Variants in SLC35E1 observed in about 807,000 individuals in gnomAD.
SLC35E1 encodes solute carrier family 35, member E1.
Under a neutral mutation model 31.0 loss-of-function variants are expected in SLC35E1, and 12 were observed. The observed-to-expected ratio is 0.39, with a 90% CI of 0.25 to 0.63. SLC35E1 has a LOEUF of 0.63. Ranked by LOEUF, SLC35E1 falls within the 20% of genes least tolerant of loss-of-function variation. SLC35E1 has a pLI of 0.52. For synonymous variants in SLC35E1, 257 were observed against 264.1 expected (o/e 0.97, Z 0.26); for missense variants, 429 against 572.2 (o/e 0.75, Z 2.55).
intron 4 of SLC35E1, among the ~76,000 whole-genome samples, chr19:16,559,359 T>G (rs1386542162): frequency 6.6e-6 from 1 of 151,588 alleles, no homozygotes; most frequent in Non-Finnish European, 1.5e-5. Flanking sequence ...GTGGCTCATG[T>G]CTATAGTCCC....
intron 4 of SLC35E1, among the ~76,000 whole-genome samples, chr19:16,560,867 CAA>C (rs370428585): frequency 4.3e-4 from 29 of 67,588 alleles, no homozygotes; most frequent in African/African-American, 9.0e-4. Context: ...ATCTCAAAAA[CAA>C]AAAAAAAAAA....
At chr19:16,570,382 G>A (rs1408639856) in intron 2 of SLC35E1, among the ~76,000 whole-genome samples, 2 of 152,168 alleles carry the variant, frequency 1.3e-5, no homozygotes, top group East Asian at 1.9e-4. Context: ...ATTTCTATAA[G>A]CCGATCCAGG....
Position 16,553,575 on chromosome 19 carries a change from G to T in SLC35E1, c.*104C>A. 1 of 1,102,042 alleles carries T rather than the reference G, an allele frequency of 9.1e-7. No individual in the cohort carries two copies. Among genetic ancestry groups the T allele is most frequent in the Non-Finnish European group, 1.3e-6 (1 of 794,514 alleles). 68.3% of individuals were successfully genotyped at this position (1,102,042 alleles called of 1,614,324 possible). ...GGCTTCTGATGGAGAGTTATGCACC[G>T]TCCCCTCGGCTGGGTTGTACATTCA... On this transcript the variant is annotated 3_prime_UTR_variant, in exon 6 of 6. Coordinates refer to ENST00000595753, the MANE Select transcript of SLC35E1 (RefSeq NM_024881.5).
At chr19:16,554,481 C>T (rs1318138528) in intron 5 of SLC35E1, among the ~76,000 whole-genome samples, 1 of 151,806 alleles carries the variant, frequency 6.6e-6, no homozygotes, top group Non-Finnish European at 1.5e-5. Context: ...GAGTTGGAGA[C>T]CAGACTGGAC....
Position 16,555,593 on chromosome 19 carries a change from C to T in SLC35E1, c.757-196G>A. Reference sequence around the variant, plus strand: ...TCCATGACCTCAGAACCTCATGACACCACACAGCATGGGAATCACCCGCCG... The same window carrying T: ...TCCATGACCTCAGAACCTCATGACATCACACAGCATGGGAATCACCCGCCG... On this transcript the variant is annotated intron_variant, in intron 4 of 5. Transcript: ENST00000595753. This position sits in a 1 kb window ranked among gnomAD's most constrained non-coding sequence, Gnocchi z 4.1. 1.1e-5 allele frequency: 7 copies of T among 651,800 alleles called. No homozygotes were observed. The highest frequency in any genetic ancestry group is 2.0e-5 in the South Asian group (1 of 49,798). 40.4% of individuals were successfully genotyped at this position (651,800 alleles called of 1,614,324 possible).
At chr19:16,566,428 C>T in intron 4 of SLC35E1, 104 bp downstream of exon 4, 1 of 1,522,370 alleles carries the variant, frequency 6.6e-7, no homozygotes. Context: ...TGTCAGGTGC[C>T]CAAAAGATAC....
chr19:16,561,977 C>T (rs989627958), intron 4 of SLC35E1, among the ~76,000 whole-genome samples: 5 of 152,004 alleles, frequency 3.3e-5, no homozygotes, highest in African/African-American at 4.8e-5. Context: ...GGCTTAAGGC[C>T]AGGAGTTCAA....
In SLC35E1 at chr19:16,572,360, G is replaced by A. The variant is rs1394995011; in HGVS notation, c.5C>T (p.Ala2Val). The A allele has an allele frequency of 7.9e-6, 8 of 1,018,770 alleles. No homozygotes were observed. Among genetic ancestry groups the A allele is most frequent in the East Asian group, 2.0e-4 (2 of 9,788 alleles). 63.1% of individuals were successfully genotyped at this position (1,018,770 alleles called of 1,614,324 possible). ...GTGGCCCGCGCCCACCGCGGCCGCC[G>A]CCATCCTGCCCGAGCGGCCGCCCCT... M[A>V]AAAVGAGHGA... Residue 2 changes from alanine (A) to valine (V), a missense_variant, in exon 1 of 6, where the codon GCG (alanine) becomes GTG (valine). Physicochemically the swap from Ala to Val is moderately conservative, Grantham distance 64. Transcript: ENST00000595753. The surrounding 1 kb of genome is among the most constrained non-coding windows in gnomAD (Gnocchi z 4.1).
chr19:16,559,203 T>C (rs987619355), intron 4 of SLC35E1, among the ~76,000 whole-genome samples: 2 of 151,876 alleles, frequency 1.3e-5, no homozygotes, highest in African/African-American at 4.8e-5. Context: ...GTAATCCCAG[T>C]TGCTCGGGAG....
chr19:16,565,173 CAG>C (rs1222280047), intron 4 of SLC35E1: 4 of 454,912 alleles, frequency 8.8e-6, no homozygotes, highest in African/African-American at 2.0e-5. Flanking sequence ...TAAATGGAAA[CAG>C]AGACCAGGGA....
chr19:16,569,706 A>G (rs1247373894), intron 2 of SLC35E1, among the ~76,000 whole-genome samples: 1 of 152,154 alleles, frequency 6.6e-6, no homozygotes, highest in Admixed American at 6.5e-5. Context: ...ATTAGCCAGG[A>G]GTGATGGAAC....
chr19:16,561,235 A>G (rs1194089870), intron 4 of SLC35E1, among the ~76,000 whole-genome samples: 3 of 144,130 alleles, frequency 2.1e-5, no homozygotes, highest in Non-Finnish European at 3.0e-5. Context: ...AAAAAAAAAA[A>G]AAAAAAAAGA....
Position 16,551,492 on chromosome 19 carries a change from C to T in SLC35E1, c.*2187G>A, listed in dbSNP as rs1478677301. Reference sequence around the variant, plus strand: ...CCTCTCTGAACAGGGAAACATCTCGCTCGCTGGGAGATAAAAGGTAAATCT... The same window carrying T: ...CCTCTCTGAACAGGGAAACATCTCGTTCGCTGGGAGATAAAAGGTAAATCT... On this transcript the variant is annotated 3_prime_UTR_variant, in exon 6 of 6. Coordinates refer to ENST00000595753, the MANE Select transcript of SLC35E1 (RefSeq NM_024881.5). 4.6e-5 allele frequency: 7 copies of T among 152,162 alleles called. No homozygotes were observed. The East Asian group carries it at 1.2e-3, about 25-fold the overall frequency. The allele number at this position is 152,162 out of a possible 1,614,324, so 9.4% of individuals were successfully genotyped here. A position where few individuals can be genotyped will look rare whatever the true frequency, so the allele number is the denominator to read the frequency against.
rs1180483745 is a variant in SLC35E1 at position 16,572,004 on chromosome 19, A to C, written c.361T>G (p.Phe121Val). The change falls in exon 1 of 6, where the codon TTC becomes GTC. Residue 121 changes from phenylalanine to valine, a missense_variant. Phe to Val is a conservative substitution (Grantham distance 50, BLOSUM62 -1). Coordinates refer to ENST00000595753, the MANE Select transcript of SLC35E1 (RefSeq NM_024881.5). The surrounding 1 kb of genome is among the most constrained non-coding windows in gnomAD (Gnocchi z 4.1). ...YVLPLAFGKY[F>V]ASVSAHVSIW... is the part of the protein sequence containing the mutation. ...CTGACGTGCGCTGACACGGACGCGA[A>C]GTACTTGCCGAAGGCGAGCGGTAGC... is the stretch of plus-strand genomic sequence containing the variant. 2.6e-6 allele frequency: 4 copies of C among 1,546,606 alleles called. No homozygotes were observed. The South Asian group carries it at 4.8e-5, about 18-fold the overall frequency.
intron 5 of SLC35E1, among the ~76,000 whole-genome samples, chr19:16,554,832 A>AG (rs1324408881): frequency 2.0e-5 from 3 of 151,360 alleles, no homozygotes; most frequent in Non-Finnish European, 4.4e-5. Context: ...AAAAAAAAAA[A>AG]AAAAAAAAGA....
Position 16,572,055 on chromosome 19 carries a change from G to A in SLC35E1, c.310C>T (p.Pro104Ser). ...ACGTAGCGCGGGTAGAAGCGCGGCG[G>A]CAGCAGCGGGCCGGACGACGGATGC... ...SPHPSSGPLLPPRFYPRYVLP... is the reference protein window; with the variant it reads ...SPHPSSGPLLSPRFYPRYVLP... The change falls in exon 1 of 6, where the codon CCG (proline) becomes TCG (serine). Residue 104 changes from proline to serine, a missense_variant. Physicochemically the swap from Pro to Ser is moderately conservative, Grantham distance 74 (BLOSUM62 -1). Transcript: ENST00000595753. The surrounding 1 kb of genome is among the most constrained non-coding windows in gnomAD (Gnocchi z 4.1). The A allele has an allele frequency of 6.5e-7, 1 of 1,539,568 alleles. No individual in the cohort carries two copies. The highest frequency in any genetic ancestry group is 8.8e-7 in the Non-Finnish European group (1 of 1,142,736).
At chr19:16,562,341 G>C (rs909888818) in intron 4 of SLC35E1, among the ~76,000 whole-genome samples, 1 of 152,176 alleles carries the variant, frequency 6.6e-6, no homozygotes, top group Non-Finnish European at 1.5e-5. Context: ...TCGTTATGAA[G>C]AGCTCTCTGG....
At chr19:16,562,409 G>A (rs553079492) in intron 4 of SLC35E1, among the ~76,000 whole-genome samples, 1 of 152,150 alleles carries the variant, frequency 6.6e-6, no homozygotes, top group African/African-American at 2.4e-5. Flanking sequence ...CAGTATCCAC[G>A]GAGGACTGGT....
Position 16,571,491 on chromosome 19 carries a change from A to G in SLC35E1, c.492+21T>C, listed in dbSNP as rs771092128. 2.5e-6 allele frequency: 4 copies of G among 1,613,272 alleles called. No individual in the cohort carries two copies. The African/African-American group carries it at 5.3e-5, about 22-fold the overall frequency. ...AACCCCCTGGAGCTCCCATCTGCCC[A>G]GAGTCCCTGCCCGGGGTTACCTTGG... is the stretch of plus-strand genomic sequence containing the variant. On this transcript the variant is annotated intron_variant, in intron 2 of 5. Transcript: ENST00000595753.
Sources: allele counts gnomAD v4.1 joint callset (sites outside exome capture counted in the v4.1 genomes callset), GRCh38; gene constraint gnomAD v4.1.1; non-coding constraint Gnocchi (gnomAD v3.1); transcripts MANE v1.5; gene names NCBI Gene and HGNC (gene_info 2026-07-23, HGNC 2026-07-21).